The following ACP6 variants were observed in gnomAD, a reference collection of about 807,000 sequenced individuals.
The protein encoded by ACP6 is lysophosphatidic acid phosphatase type 6.
In ACP6, 48 loss-of-function variants were observed where a neutral mutation model predicts 48.1. That is an observed-to-expected ratio of 1.00 (90% CI 0.79 to 1.27). The LOEUF is 1.27. Ranked by LOEUF, ACP6 falls within the 50% of genes most tolerant of loss-of-function variation. The probability of loss-of-function intolerance (pLI) is 0.00; values close to 1 mark genes in which losing one functional copy is unlikely to be tolerated. For missense variants in ACP6, 485 were observed against 529.1 expected (o/e 0.92, Z 0.82); for synonymous variants, 172 against 204.2 (o/e 0.84, Z 1.34).
At chr1:147,661,915 A>G (rs1660565859) in intron 1 of ACP6, among the ~76,000 whole-genome samples, 2 of 152,236 alleles carry the variant, frequency 1.3e-5, no homozygotes, top group Non-Finnish European at 2.9e-5. Context: ...CAAAGCTTCA[A>G]AGGACAGGCT....
downstream of ACP6, among the ~76,000 whole-genome samples, chr1:147,639,204 C>A (rs1659386320): frequency 6.6e-6 from 1 of 152,174 alleles, no homozygotes; most frequent in Non-Finnish European, 1.5e-5. Flanking sequence ...TGCTATATGA[C>A]CTTGGCCAAG....
At chr1:147,637,597 T>C (rs185351616), downstream of ACP6, among the ~76,000 whole-genome samples, 2 of 152,292 alleles carry the variant, frequency 1.3e-5, no homozygotes, top group African/African-American at 4.8e-5. Flanking sequence ...GAACATCACT[T>C]CCTTCATTCC....
At chr1:147,660,634 G>A (rs1439462968) in intron 1 of ACP6, among the ~76,000 whole-genome samples, 1 of 152,114 alleles carries the variant, frequency 6.6e-6, no homozygotes, top group Non-Finnish European at 1.5e-5. Flanking sequence ...TCTTATTGTA[G>A]AATGTAAACC....
chr1:147,659,682 G>T lies in ACP6; in HGVS notation c.313C>A (p.Pro105Thr). 1.2e-6 allele frequency: 2 copies of T among 1,614,212 alleles called. No homozygotes were observed. The highest frequency in any genetic ancestry group is 1.7e-6 in the Non-Finnish European group (2 of 1,180,052). ...GTCTCATGGTATTGAGAGTCGTAAGGAGAATATGGTTTCGGACCACCAGCT... is the reference window on the plus strand; with the variant it reads ...GTCTCATGGTATTGAGAGTCGTAAGTAGAATATGGTTTCGGACCACCAGCT... ...NLAGGPKPYS[P>T]YDSQYHETTL... Residue 105 changes from proline to threonine, a missense_variant, in exon 2 of 10, where the codon CCT (proline) becomes ACT (threonine). Coordinates refer to ENST00000583509, the MANE Select transcript of ACP6 (RefSeq NM_016361.5).
intron 4 of ACP6, among the ~76,000 whole-genome samples, chr1:147,658,352 T>G (rs2148910993): frequency 6.6e-6 from 1 of 152,332 alleles, no homozygotes; most frequent in African/African-American, 2.4e-5. Flanking sequence ...AAATGTAAAT[T>G]TGAGCCAATA....
chr1:147,652,542 T>A lies in ACP6; in HGVS notation c.788A>T (p.Asn263Ile). 6.2e-7 allele frequency: 1 copy of A among 1,613,968 alleles called. No individual in the cohort carries two copies. Among genetic ancestry groups the A allele is most frequent in the Non-Finnish European group, 8.5e-7 (1 of 1,179,982 alleles). ...LDNVAAEQAHNLPSCPMLKRF... is the reference protein window; with the variant it reads ...LDNVAAEQAHILPSCPMLKRF... Reference sequence around the variant, plus strand: ...CTTCAGCATGGGGCAGCTTGGGAGGTTGTGTGCCTGAAAGGGCCACATGTA... The same window carrying A: ...CTTCAGCATGGGGCAGCTTGGGAGGATGTGTGCCTGAAAGGGCCACATGTA... The change falls in exon 7 of 10, where the codon AAC becomes ATC. Residue 263 changes from asparagine (N) to isoleucine (I), a missense_variant. Transcript: ENST00000583509.
chr1:147,655,587 C>G (rs1557885810), intron 4 of ACP6, among the ~76,000 whole-genome samples: 1 of 152,168 alleles, frequency 6.6e-6, no homozygotes, highest in African/African-American at 2.4e-5. Flanking sequence ...TGCTGTAAAG[C>G]ACTACCAGCA....
intron 5 of ACP6, among the ~76,000 whole-genome samples, chr1:147,636,713 T>C (rs1553208043): frequency 6.6e-6 from 1 of 152,206 alleles, no homozygotes. Flanking sequence ...TATCAGAGCA[T>C]TTTTGAGAGA....
At chr1:147,631,833 C>CA (rs35541141) in intron 5 of ACP6, among the ~76,000 whole-genome samples, 15 of 147,394 alleles carry the variant, frequency 1.0e-4, no homozygotes, top group Non-Finnish European at 1.6e-4. Context: ...ACAACAACAA[C>CA]AAAAAAAACA....
At chr1:147,637,871 C>T (rs1430420896), downstream of ACP6, among the ~76,000 whole-genome samples, 1 of 152,178 alleles carries the variant, frequency 6.6e-6, no homozygotes, top group African/African-American at 2.4e-5. Context: ...AAGTGATTTT[C>T]CCCAGTTGTA....
At chr1:147,661,991 G>A (rs1424191028) in intron 1 of ACP6, among the ~76,000 whole-genome samples, 2 of 152,222 alleles carry the variant, frequency 1.3e-5, no homozygotes, top group African/African-American at 2.4e-5. Flanking sequence ...TTACTATTCT[G>A]CAAATCCTAC....
chr1:147,646,286 T>C lies in ACP6; in HGVS notation c.*1137A>G, dbSNP rs1553209421. 1.3e-5 allele frequency: 2 copies of C among 152,114 alleles called. No homozygotes were observed. The highest frequency in any genetic ancestry group is 6.6e-5 in the Admixed American group (1 of 15,262). 9.4% of individuals were successfully genotyped at this position (152,114 alleles called of 1,614,324 possible). A position where few individuals can be genotyped will look rare whatever the true frequency, so the allele number is the denominator to read the frequency against. ...AGAGTGGAGGTGTCTTTCATTCAGA[T>C]AGGGAAGTGTGTGGGAGAAGCAGGT... On this transcript the variant is annotated 3_prime_UTR_variant, in exon 10 of 10. Transcript: ENST00000583509.
downstream of ACP6, among the ~76,000 whole-genome samples, chr1:147,637,299 A>G (rs1659324407): frequency 6.6e-6 from 1 of 152,194 alleles, no homozygotes; most frequent in African/African-American, 2.4e-5. Context: ...GTAAGCTTAT[A>G]AAAGAACCCT....
chr1:147,633,987 C>T (rs1659236264), intron 5 of ACP6, among the ~76,000 whole-genome samples: 1 of 152,142 alleles, frequency 6.6e-6, no homozygotes, highest in African/African-American at 2.4e-5. Context: ...ACTTTTTCAT[C>T]ATGTAAAATT....
chr1:147,655,243 T>A lies in ACP6; in HGVS notation c.565A>T (p.Ile189Phe), dbSNP rs370703050. 8 of 1,603,050 alleles carry A rather than the reference T, an allele frequency of 5.0e-6. No individual in the cohort carries two copies. Among genetic ancestry groups the A allele is most frequent in the Non-Finnish European group, 6.0e-6 (7 of 1,174,064 alleles). Reference protein sequence around the residue: ...GLFQCQKEGPIIIHTDEADSE... With the variant: ...GLFQCQKEGPFIIHTDEADSE... ...TCTGCTTCATCAGTGTGGATGATGA[T>A]GGGTCCTGGAAGAAAGGGAGGAAGC... Residue 189 changes from isoleucine (I) to phenylalanine (F), a missense_variant, in exon 5 of 10, where the codon ATC (isoleucine) becomes TTC (phenylalanine). Ile to Phe is a conservative substitution (Grantham distance 21). Transcript: ENST00000583509.
At chr1:147,657,769 T>C (rs1458051565) in intron 4 of ACP6, among the ~76,000 whole-genome samples, 1 of 152,140 alleles carries the variant, frequency 6.6e-6, no homozygotes, top group African/African-American at 2.4e-5. Context: ...GGCATGGAAG[T>C]AGCTACAAAA....
chr1:147,656,157 TCA>T (rs1254564732), intron 4 of ACP6, among the ~76,000 whole-genome samples: 1 of 152,164 alleles, frequency 6.6e-6, no homozygotes, highest in African/African-American at 2.4e-5. Context: ...ATATCAGAAT[TCA>T]CACACACATC....
At chr1:147,639,141 G>A (rs1224228914), downstream of ACP6, among the ~76,000 whole-genome samples, 1 of 152,204 alleles carries the variant, frequency 6.6e-6, no homozygotes, top group Non-Finnish European at 1.5e-5. Flanking sequence ...ACAGGTGTGA[G>A]CCACCTGGCC....
intron 4 of ACP6, among the ~76,000 whole-genome samples, chr1:147,658,681 G>A (rs980469820): frequency 6.6e-6 from 1 of 152,152 alleles, no homozygotes; most frequent in Admixed American, 6.5e-5. Context: ...ACATGGTTAG[G>A]ACTGCCTTGT....
Sources: gnomAD v4.1 joint callset for allele counts (sites outside exome capture counted in the v4.1 genomes callset) on GRCh38, gnomAD v4.1.1 for gene constraint, MANE v1.5 for transcripts, NCBI Gene and HGNC (gene_info 2026-07-23, HGNC 2026-07-21) for gene names.